The following PRKCE variants were observed in gnomAD, a reference collection of about 807,000 sequenced individuals.
PRKCE encodes the protein protein kinase C epsilon type.
Under a neutral mutation model 85.4 loss-of-function variants are expected in PRKCE, and 16 were observed. The observed-to-expected ratio is 0.19, with a 90% CI of 0.13 to 0.28. PRKCE has a LOEUF of 0.28. Ranked by LOEUF, PRKCE falls within the 10% of genes least tolerant of loss-of-function variation. The probability of loss-of-function intolerance (pLI) is 1.00; values close to 1 mark genes in which losing one functional copy is unlikely to be tolerated. For synonymous variants in PRKCE, 388 were observed against 371.5 expected (o/e 1.04, Z -0.51); for missense variants, 573 against 975.2 (o/e 0.59, Z 5.49).
intron 10 of PRKCE, among the ~76,000 whole-genome samples, chr2:46,067,397 C>T (rs936146855): frequency 6.6e-6 from 1 of 152,168 alleles, no homozygotes; most frequent in Non-Finnish European, 1.5e-5. Flanking sequence ...ATCTGAGAGG[C>T]AGTTTTGGCG....
At position 46,138,300 on chromosome 2, in the gene PRKCE, T is replaced by C. The variant is rs911584589; in HGVS notation, c.1593-6793T>C. Among the ~76,000 whole-genome samples, 3 of 152,198 alleles carry C rather than the reference T, an allele frequency of 2.0e-5. No individual in the cohort carries two copies. Among genetic ancestry groups the C allele is most frequent in the African/African-American group, 7.2e-5 (3 of 41,450 alleles). The stretch of plus-strand genomic sequence containing the variant: ...GAGGAATTTTAGTCCAAGCATCAAA[T>C]AGAGATTTCCAACTCATACGTCTGT... On this transcript the variant is annotated intron_variant, in intron 11 of 14. Coordinates refer to ENST00000306156, the MANE Select transcript of PRKCE (RefSeq NM_005400.3). The surrounding 1 kb of genome is among the most constrained non-coding windows in gnomAD (Gnocchi z 4.2).
chr2:46,125,883 G>T (rs1673798417), intron 11 of PRKCE, among the ~76,000 whole-genome samples: 1 of 152,188 alleles, frequency 6.6e-6, no homozygotes, highest in Non-Finnish European at 1.5e-5. Context: ...TCAAAATCCA[G>T]TTGTACGTGT....
chr2:45,853,997 C>T (rs926474109), intron 2 of PRKCE, among the ~76,000 whole-genome samples: 2 of 152,210 alleles, frequency 1.3e-5, no homozygotes, highest in African/African-American at 4.8e-5. Context: ...CAGCATTCCC[C>T]TGGTTCATGA....
chr2:45,652,118 C>T lies in PRKCE; in HGVS notation c.18C>T (p.Gly6=). 4 of 1,542,186 alleles carry T rather than the reference C, an allele frequency of 2.6e-6. No individual in the cohort carries two copies. The highest frequency in any genetic ancestry group is 3.5e-6 in the Non-Finnish European group (4 of 1,136,942). MVVFN[G]LLKIKICEAV... ...CCCCGACCATGGTAGTGTTCAATGG[C>T]CTTCTTAAGATCAAAATCTGCGAGG... Residue 6 remains glycine, a synonymous_variant, in exon 1 of 15, where the codon GGC becomes GGT. Coordinates refer to ENST00000306156, the MANE Select transcript of PRKCE (RefSeq NM_005400.3). This position sits in a 1 kb window ranked among gnomAD's most constrained non-coding sequence, Gnocchi z 7.7.
At chr2:46,044,832 G>A (rs1357618379) in intron 10 of PRKCE, among the ~76,000 whole-genome samples, 1 of 152,160 alleles carries the variant, frequency 6.6e-6, no homozygotes, top group Middle Eastern at 3.2e-3. Context: ...TGTGCCCAGG[G>A]GCCCTCAGCT....
At chr2:45,691,715 T>C (rs1677742106) in intron 1 of PRKCE, among the ~76,000 whole-genome samples, 1 of 152,148 alleles carries the variant, frequency 6.6e-6, no homozygotes, top group Non-Finnish European at 1.5e-5. Context: ...CTGCTGCTGG[T>C]ATTTGGTATT....
chr2:45,806,290 G>A (rs1688238232), intron 1 of PRKCE, among the ~76,000 whole-genome samples: 1 of 152,158 alleles, frequency 6.6e-6, no homozygotes, highest in African/African-American at 2.4e-5. Context: ...CAGCTTTGCT[G>A]GTCCATGATA....
chr2:45,700,745 T>C (rs1678566211), intron 1 of PRKCE: 1 of 152,168 alleles, frequency 6.6e-6, no homozygotes, highest in African/African-American at 2.4e-5. Flanking sequence ...GCAGGGTCTT[T>C]GCAGATGTAA....
intron 10 of PRKCE, among the ~76,000 whole-genome samples, chr2:46,040,890 C>A (rs146986400): frequency 6.6e-6 from 1 of 152,128 alleles, no homozygotes; most frequent in Non-Finnish European, 1.5e-5. Flanking sequence ...GGCAAACTGA[C>A]GAATCTCAGT....
chr2:45,700,525 T>C (rs986954626), intron 1 of PRKCE: 3 of 152,028 alleles, frequency 2.0e-5, no homozygotes, highest in East Asian at 1.9e-4. Context: ...TTTGATGTAA[T>C]AAATTTCCTC....
At chr2:45,851,564 C>T (rs967545542) in intron 2 of PRKCE, 1 of 152,158 alleles carries the variant, frequency 6.6e-6, no homozygotes, top group Non-Finnish European at 1.5e-5. Context: ...TGAGACATTT[C>T]TTGTCAAGCT....
In PRKCE at chr2:45,805,110, GTCT is replaced by G. The variant is rs563366877; in HGVS notation, c.349-37882_349-37880del. On this transcript the variant is annotated intron_variant, in intron 1 of 14. Coordinates refer to ENST00000306156, the MANE Select transcript of PRKCE (RefSeq NM_005400.3). The stretch of plus-strand genomic sequence containing the variant: ...TAATTAGAATAGCTAAGTCATAACT[GTCT>G]TCTTCTTTTTAGATACTGTTCTGAG... Among the ~76,000 whole-genome samples, 424 of 152,164 alleles carry G rather than the reference GTCT, an allele frequency of 2.8e-3. 5 individuals are homozygous for G. Among genetic ancestry groups the G allele is most frequent in the African/African-American group, 9.6e-3 (398 of 41,544 alleles).
At chr2:45,691,176 G>T (rs994770345) in intron 1 of PRKCE, among the ~76,000 whole-genome samples, 4 of 152,196 alleles carry the variant, frequency 2.6e-5, no homozygotes, top group South Asian at 2.1e-4. Flanking sequence ...CCGTCAGTGG[G>T]CTGGGCGGTT....
intron 1 of PRKCE, among the ~76,000 whole-genome samples, chr2:45,828,305 C>T (rs907688733): frequency 5.3e-4 from 81 of 152,316 alleles, no homozygotes; most frequent in African/African-American, 1.9e-3. Flanking sequence ...GAAGCTGAGG[C>T]AGGAGAATTG....
chr2:46,168,940 A>T (rs751072940), intron 14 of PRKCE, among the ~76,000 whole-genome samples: 35 of 152,152 alleles, frequency 2.3e-4, no homozygotes, highest in Non-Finnish European at 4.7e-4. Flanking sequence ...GGACTAAAGG[A>T]TGGTCTGGCT....
At chr2:45,768,148 C>T (rs1685053429) in intron 1 of PRKCE, among the ~76,000 whole-genome samples, 1 of 152,248 alleles carries the variant, frequency 6.6e-6, no homozygotes, top group Non-Finnish European at 1.5e-5. Flanking sequence ...TCCCACTCTT[C>T]TCCTCCAGAT....
intron 10 of PRKCE, among the ~76,000 whole-genome samples, chr2:46,077,737 A>G (rs963502605): frequency 6.6e-6 from 1 of 152,184 alleles, no homozygotes; most frequent in African/African-American, 2.4e-5. Flanking sequence ...TACTCAGATG[A>G]GACTCTTTCA....
chr2:46,125,694 A>G (rs1312835690), intron 11 of PRKCE, among the ~76,000 whole-genome samples: 1 of 152,248 alleles, frequency 6.6e-6, no homozygotes, highest in Non-Finnish European at 1.5e-5. Context: ...AAATACAGGC[A>G]TAAATATACC....
At position 45,936,131 on chromosome 2, in the gene PRKCE, C is replaced by T. The variant is rs1305038340; in HGVS notation, c.413-40298C>T. On this transcript the variant is annotated intron_variant, in intron 2 of 14. Coordinates refer to ENST00000306156, the MANE Select transcript of PRKCE (RefSeq NM_005400.3). Reference sequence around the variant, plus strand: ...TAGGAGGGCAGGCACTGAGGGCCAGCACTCTGGTCACGCCAAGGATGCTAT... The same window carrying T: ...TAGGAGGGCAGGCACTGAGGGCCAGTACTCTGGTCACGCCAAGGATGCTAT... Among the ~76,000 whole-genome samples the T allele has an allele frequency of 4.6e-5, 7 of 152,174 alleles. No homozygotes were observed. The South Asian group carries it at 1.4e-3, about 31-fold the overall frequency.
Sources: allele counts gnomAD v4.1 joint callset (sites outside exome capture counted in the v4.1 genomes callset), GRCh38; gene constraint gnomAD v4.1.1; non-coding constraint Gnocchi (gnomAD v3.1); transcripts MANE v1.5; gene names NCBI Gene and HGNC (gene_info 2026-07-23, HGNC 2026-07-21).